Variants in NAPRT observed in about 807,000 individuals in gnomAD.
NAPRT encodes the protein nicotinate phosphoribosyltransferase.
Under a neutral mutation model 60.7 loss-of-function variants are expected in NAPRT, and 66 were observed. The observed-to-expected ratio is 1.09, with a 90% CI of 0.89 to 1.33. The LOEUF (loss-of-function observed/expected upper bound fraction) is 1.33. NAPRT is among the 40% of genes most tolerant of loss of function. The pLI is 0.00. For synonymous variants in NAPRT, 405 were observed against 335.7 expected (o/e 1.21, Z -2.26); for missense variants, 818 against 731.5 (o/e 1.12, Z -1.36).
In NAPRT at chr8:143,577,671, C is replaced by T. The variant is rs1348043367; in HGVS notation, c.423G>A (p.Leu141=). 8 of 1,539,436 alleles carry T rather than the reference C, an allele frequency of 5.2e-6. No homozygotes were observed. In the Admixed American group the frequency reaches 1.4e-4, roughly 26 times the overall value. The change falls in exon 3 of 13, where the codon CTG becomes CTA. Residue 141 remains leucine, a synonymous_variant. Coordinates refer to ENST00000449291, the MANE Select transcript of NAPRT (RefSeq NM_145201.6). ...CCGCAGCCCACCTGGCGTAGCTGAC[C>T]AGGCAGAGCAGCGGTGTCTCCAGCA... The part of the protein sequence containing the change: ...VQLLETPLLC[L]VSYASLVATN...
downstream of NAPRT, chr8:143,574,531 C>T (rs966158509): frequency 5.3e-6 from 3 of 564,136 alleles, no homozygotes; most frequent in South Asian, 2.0e-5. Context: ...ACACCAAAGC[C>T]CTCCCTGCCT....
chr8:143,574,700 G>A (rs1028189170), downstream of NAPRT: 6 of 1,021,880 alleles, frequency 5.9e-6, no homozygotes, highest in African/African-American at 9.5e-5. Flanking sequence ...CTCGAGCTCA[G>A]ATTCCCGACT....
chr8:143,575,691 C>T lies in NAPRT; in HGVS notation c.1119G>A (p.Val373=). ...LARLAQEGSE[V]NVIGIGTSVV... The stretch of plus-strand genomic sequence containing the variant: ...CACTGGTGCCAATGCCAATGACATT[C>T]ACCTCACTGCCCTGGGTGGGGAAGG... Residue 373 remains valine, a synonymous_variant, in exon 9 of 13, where the codon GTG becomes GTA. Transcript: ENST00000449291. 1.3e-6 allele frequency: 2 copies of T among 1,585,506 alleles called. No individual in the cohort carries two copies. Among genetic ancestry groups the T allele is most frequent in the African/African-American group, 2.7e-5 (2 of 74,598 alleles).
intron 9 of NAPRT, 44 bp from the exon 10 acceptor site, chr8:143,575,569 C>T: frequency 6.3e-7 from 1 of 1,592,648 alleles, no homozygotes. Flanking sequence ...TATCCCCCAC[C>T]CAGCACCATC....
chr8:143,573,015 G>C (rs1318067248), downstream of NAPRT: 1 of 431,110 alleles, frequency 2.3e-6, no homozygotes, highest in Non-Finnish European at 4.1e-6. Flanking sequence ...AGGGGGAGAA[G>C]GGCCCCCACC....
rs574749028 is a variant in NAPRT at position 143,575,607 on chromosome 8, C to T, written c.1188+15G>A. On this transcript the variant is annotated intron_variant, in intron 9 of 12. Coordinates refer to ENST00000449291, the MANE Select transcript of NAPRT (RefSeq NM_145201.6). ...TCAGACCTGCCCCCACCTGGGCCCC[C>T]GACACTGTCCCTACCTTATAGACGC... 22 of 1,586,664 alleles carry T rather than the reference C, an allele frequency of 1.4e-5. No homozygotes were observed. Among genetic ancestry groups the T allele is most frequent in the East Asian group, 1.1e-4 (5 of 43,862 alleles).
rs567911773 is a variant in NAPRT at position 143,577,384 on chromosome 8, G to C, written c.453C>G (p.Asn151Lys). 4.4e-6 allele frequency: 7 copies of C among 1,607,668 alleles called. No individual in the cohort carries two copies. In the East Asian group the frequency reaches 1.6e-4, roughly 36 times the overall value. ...LVSYASLVAT[N>K]AARLRLIAGP... Reference sequence around the variant, plus strand: ...CTGCGATCAAGCGAAGCCGCGCTGCGTTGGTGGCCACCAGGCTGTGGGGAG... The same window carrying C: ...CTGCGATCAAGCGAAGCCGCGCTGCCTTGGTGGCCACCAGGCTGTGGGGAG... The change falls in exon 4 of 13, where the codon AAC becomes AAG. Residue 151 changes from asparagine to lysine, a missense_variant. Physicochemically the swap from Asn to Lys is moderately conservative, Grantham distance 94 (BLOSUM62 0). Coordinates refer to ENST00000449291, the MANE Select transcript of NAPRT (RefSeq NM_145201.6).
intron 2 of NAPRT, 27 bp from the exon 3 acceptor site, chr8:143,577,766 CT>C (rs1824588112): frequency 6.4e-7 from 1 of 1,565,556 alleles, no homozygotes; most frequent in East Asian, 2.4e-5. Context: ...CAGCTCCGCG[CT>C]CGGCCCAGCA....
chr8:143,577,791 G>A (rs1353820119), intron 2 of NAPRT, 25 bp downstream of exon 2: 14 of 1,586,336 alleles, frequency 8.8e-6, no homozygotes, highest in African/African-American at 1.3e-5. Flanking sequence ...CGTGGCCGCC[G>A]CGCCGCCCGC....
chr8:143,577,403 TG>T lies in NAPRT; in HGVS notation c.438-5del. ...CGCTGCGTTGGTGGCCACCAGGCTG[TG>T]GGGAGCCAAGAGTCAGGGGGTCCCA... On this transcript the variant is annotated splice_polypyrimidine_tract_variant and splice_region_variant and intron_variant, in intron 3 of 12. Coordinates refer to ENST00000449291, the MANE Select transcript of NAPRT (RefSeq NM_145201.6). 1 of 1,605,378 alleles carries T rather than the reference TG, an allele frequency of 6.2e-7. No homozygotes were observed. The highest frequency in any genetic ancestry group is 8.5e-7 in the Non-Finnish European group (1 of 1,176,768).
At position 143,577,745 on chromosome 8, in the gene NAPRT, G is replaced by A; in HGVS notation, c.355-6C>T. 4 of 1,553,918 alleles carry A rather than the reference G, an allele frequency of 2.6e-6. No homozygotes were observed. The East Asian group carries it at 7.2e-5, about 28-fold the overall frequency. Reference sequence around the variant, plus strand: ...GACACCTGCAGGAGCGGCACCTGCGGGGAGAGAAGTCAGCTCCGCGCTCGG... The same window carrying A: ...GACACCTGCAGGAGCGGCACCTGCGAGGAGAGAAGTCAGCTCCGCGCTCGG... On this transcript the variant is annotated splice_region_variant and splice_polypyrimidine_tract_variant and intron_variant, in intron 2 of 12. Transcript: ENST00000449291.
intron 8 of NAPRT, among the ~76,000 whole-genome samples, 187 bp downstream of exon 8, chr8:143,575,891 G>T (rs938724150): frequency 2.2e-5 from 3 of 135,272 alleles, no homozygotes; most frequent in African/African-American, 5.8e-5. Flanking sequence ...GAAGGGGGTG[G>T]CAGTGCCCTG....
chr8:143,577,460 C>T (rs1563934505), intron 3 of NAPRT, 61 bp from the exon 4 acceptor site: 13 of 1,542,992 alleles, frequency 8.4e-6, no homozygotes, highest in Admixed American at 1.9e-5. Context: ...CCCAAGACGG[C>T]GGTTACCTGG....
In NAPRT at chr8:143,578,081, A is replaced by T; in HGVS notation, c.226+12T>A. ...CGGGCGTGGGGGGCTCGTCGCGCGG[A>T]CGGGGGACTACCGGCGTCCCGCAGG... On this transcript the variant is annotated intron_variant, in intron 1 of 12. Transcript: ENST00000449291. The T allele has an allele frequency of 6.6e-7, 1 of 1,506,814 alleles. No individual in the cohort carries two copies. The highest frequency in any genetic ancestry group is 8.8e-7 in the Non-Finnish European group (1 of 1,135,092). 93.3% of individuals were successfully genotyped at this position (1,506,814 alleles called of 1,614,324 possible). A position where few individuals can be genotyped will look rare whatever the true frequency, so the allele number is the denominator to read the frequency against.
chr8:143,577,989 G>T, intron 1 of NAPRT, 46 bp from the exon 2 acceptor site: 1 of 1,580,976 alleles, frequency 6.3e-7, no homozygotes. Context: ...GGACAGACCG[G>T]TCGTGGGACA....
rs1824583502 is a variant in NAPRT at position 143,577,751 on chromosome 8, G to C, written c.355-12C>G. 5 of 1,555,942 alleles carry C rather than the reference G, an allele frequency of 3.2e-6. No individual in the cohort carries two copies. In the East Asian group the frequency reaches 1.2e-4, roughly 37 times the overall value. On this transcript the variant is annotated splice_polypyrimidine_tract_variant and intron_variant, in intron 2 of 12. Coordinates refer to ENST00000449291, the MANE Select transcript of NAPRT (RefSeq NM_145201.6). ...TGCAGGAGCGGCACCTGCGGGGAGA[G>C]AAGTCAGCTCCGCGCTCGGCCCAGC...
intron 3 of NAPRT, 103 bp downstream of exon 3, chr8:143,577,554 G>A: frequency 2.7e-6 from 4 of 1,473,444 alleles, no homozygotes; most frequent in South Asian, 1.2e-5. Context: ...GGCCAGTCCT[G>A]GGACCCCTGG....
rs1773855293 is a variant in NAPRT, at chr8:143,578,283, C to T, written c.36G>A (p.Ala12=). Reference sequence around the variant, plus strand: ...AGAGGTCAGTGAGCAGCGGCCGCGCCGCCGCGCGCGCCTCGGGGTCCTGCT... The same window carrying T: ...AGAGGTCAGTGAGCAGCGGCCGCGCTGCCGCGCGCGCCTCGGGGTCCTGCT... ...AAEQDPEARA[A]ARPLLTDLYQ... The change falls in exon 1 of 13, where the codon GCG becomes GCA. Residue 12 remains alanine, a synonymous_variant. Transcript: ENST00000449291. The T allele has an allele frequency of 7.1e-7, 1 of 1,408,598 alleles. No individual in the cohort carries two copies. The highest frequency in any genetic ancestry group is 9.2e-7 in the Non-Finnish European group (1 of 1,088,562). 87.3% of individuals were successfully genotyped at this position (1,408,598 alleles called of 1,614,324 possible).
At chr8:143,576,348 G>A (rs558449662) in intron 7 of NAPRT, 84 bp downstream of exon 7, 32 of 1,517,898 alleles carry the variant, frequency 2.1e-5, no homozygotes, top group Non-Finnish European at 2.8e-5. Flanking sequence ...TGAAACTTCA[G>A]CAGAGTACCT....
Sources: allele counts gnomAD v4.1 joint callset (sites outside exome capture counted in the v4.1 genomes callset), GRCh38; gene constraint gnomAD v4.1.1; transcripts MANE v1.5; gene names NCBI Gene and HGNC (gene_info 2026-07-23, HGNC 2026-07-21).